The following PRLR variants were observed in gnomAD, a reference collection of about 807,000 sequenced individuals.
PRLR encodes hPRL receptor.
PRLR carries 13 observed loss-of-function variants against 40.2 expected under a neutral mutation model. That is an observed-to-expected ratio of 0.32 (90% CI 0.21 to 0.51). The LOEUF is 0.51. Ranked by LOEUF, PRLR falls within the 20% of genes least tolerant of loss-of-function variation. The pLI is 0.97. For synonymous variants in PRLR, 269 were observed against 278.7 expected, an observed-to-expected ratio of 0.97 and a Z score of 0.35; for missense variants, 656 against 747.3, an observed-to-expected ratio of 0.88 and a Z score of 1.42.
At chr5:35,156,307 T>C (rs1371080583) in intron 1 of PRLR, among the ~76,000 whole-genome samples, 2 of 152,160 alleles carry the variant, frequency 1.3e-5, no homozygotes, top group Non-Finnish European at 2.9e-5. Context: ...GTCTAAGTGA[T>C]ATTTGCCTGG....
chr5:35,183,650 T>C (rs7700286), intron 1 of PRLR, among the ~76,000 whole-genome samples: 12,944 of 152,150 alleles, frequency 0.085, 588 homozygotes, highest in East Asian at 0.13. Flanking sequence ...AGGCTCCAGG[T>C]TTTTTTCCCT....
chr5:35,100,836 C>T (rs1771832080), intron 2 of PRLR, among the ~76,000 whole-genome samples: 1 of 152,152 alleles, frequency 6.6e-6, no homozygotes. Flanking sequence ...ACTGTGAGGT[C>T]CTAAAAGCTC....
At position 35,064,311 on chromosome 5, in the gene PRLR, G is replaced by A. The variant is rs914779339; in HGVS notation, c.*778C>T. 1.3e-5 allele frequency: 2 copies of A among 152,054 alleles called. No individual in the cohort carries two copies. Among genetic ancestry groups the A allele is most frequent in the African/African-American group, 4.8e-5 (2 of 41,512 alleles). 9.4% of individuals were successfully genotyped at this position (152,054 alleles called of 1,614,324 possible). A position where few individuals can be genotyped will look rare whatever the true frequency, so the allele number is the denominator to read the frequency against. ...CTTTAGGGAATTTTTTTTTAACTAAGGAAAGACTAAGGTGTATAATAAATT... is the reference window on the plus strand; with the variant it reads ...CTTTAGGGAATTTTTTTTTAACTAAAGAAAGACTAAGGTGTATAATAAATT... On this transcript the variant is annotated 3_prime_UTR_variant, in exon 10 of 10. Transcript: ENST00000618457.
intron 1 of PRLR, among the ~76,000 whole-genome samples, chr5:35,224,044 A>C (rs1776488502): frequency 6.6e-6 from 1 of 152,214 alleles, no homozygotes; most frequent in African/African-American, 2.4e-5. Flanking sequence ...CCTTTGCCAA[A>C]TACAAGAGGC....
At chr5:35,188,555 C>A (rs118063264) in intron 1 of PRLR, among the ~76,000 whole-genome samples, 1 of 152,154 alleles carries the variant, frequency 6.6e-6, no homozygotes, top group African/African-American at 2.4e-5. Context: ...CTGGTTGGGG[C>A]GACTTGCATG....
intron 1 of PRLR, among the ~76,000 whole-genome samples, chr5:35,167,440 G>A (rs1312059542): frequency 6.6e-6 from 1 of 152,058 alleles, no homozygotes; most frequent in African/African-American, 2.4e-5. Context: ...ATCACAGAAA[G>A]TGAGCCCAGA....
In PRLR at chr5:35,225,237, G is replaced by A. The variant is rs369817360; in HGVS notation, c.-106+5031C>T. On this transcript the variant is annotated intron_variant, in intron 1 of 9. Coordinates refer to ENST00000618457, the MANE Select transcript of PRLR (RefSeq NM_000949.7). ...CCTCTTGAGATTTACCTGAGTGAGA[G>A]GATTGGTCTTGGTGATGAATATAAT... Among the ~76,000 whole-genome samples, 201 of 152,260 alleles carry A rather than the reference G, an allele frequency of 1.3e-3. 6 individuals carry two copies. The South Asian group carries it at 0.04, about 30-fold the overall frequency.
At chr5:35,189,801 C>G (rs1579782775) in intron 1 of PRLR, among the ~76,000 whole-genome samples, 4 of 152,240 alleles carry the variant, frequency 2.6e-5, no homozygotes, top group African/African-American at 9.6e-5. Flanking sequence ...GAAGATTCCT[C>G]TCAGTGTGAA....
At chr5:35,101,776 C>A (rs1029442950) in intron 2 of PRLR, among the ~76,000 whole-genome samples, 1 of 146,982 alleles carries the variant, frequency 6.8e-6, no homozygotes, top group African/African-American at 2.5e-5. Context: ...ATAAATATAC[C>A]TTATAAAACA....
chr5:35,122,318 T>A (rs1463599144), intron 1 of PRLR, among the ~76,000 whole-genome samples: 1 of 152,080 alleles, frequency 6.6e-6, no homozygotes, highest in Non-Finnish European at 1.5e-5. Context: ...TGTGCCATGG[T>A]GGTTTGCGCA....
chr5:35,134,869 C>A (rs1773803874), intron 1 of PRLR, among the ~76,000 whole-genome samples: 1 of 152,174 alleles, frequency 6.6e-6, no homozygotes, highest in Non-Finnish European at 1.5e-5. Context: ...GCGTGGGGTG[C>A]CGCCTGAGGG....
At position 35,076,781 on chromosome 5, in the gene PRLR, AG is replaced by A. The variant is rs200892321; in HGVS notation, c.374-4038del. ...AGTTAAAATAAAGGAAAAAACATTA[AG>A]GGCAGCCAGAGAGAAAGGTCAGGCT... On this transcript the variant is annotated intron_variant, in intron 5 of 9. Transcript: ENST00000618457. Among the ~76,000 whole-genome samples, 156 of 152,342 alleles carry A rather than the reference AG, an allele frequency of 1.0e-3. 5 individuals carry two copies. In the East Asian group the frequency reaches 0.029, roughly 29 times the overall value.
chr5:35,207,034 T>G (rs1345648870), intron 1 of PRLR, among the ~76,000 whole-genome samples: 1 of 152,108 alleles, frequency 6.6e-6, no homozygotes, highest in Non-Finnish European at 1.5e-5. Flanking sequence ...AGAATTTTCA[T>G]TTGTCGCATT....
intron 1 of PRLR, among the ~76,000 whole-genome samples, chr5:35,222,955 C>G (rs139419835): frequency 3.5e-4 from 54 of 152,270 alleles, no homozygotes; most frequent in African/African-American, 1.2e-3. Flanking sequence ...TTACAAAAAG[C>G]CTGGTAGAAA....
intron 1 of PRLR, among the ~76,000 whole-genome samples, chr5:35,151,852 T>C (rs1910013): frequency 1.3e-5 from 2 of 152,196 alleles, no homozygotes; most frequent in African/African-American, 2.4e-5. Context: ...AAGACCACTG[T>C]GTTGTGTCTT....
chr5:35,075,218 G>A lies in PRLR; in HGVS notation c.374-2474C>T, dbSNP rs7714369. 3.9e-3 allele frequency among the ~76,000 whole-genome samples: 601 copies of A among 152,226 alleles called. 3 individuals carry two copies. Among genetic ancestry groups the A allele is most frequent in the African/African-American group, 0.012 (487 of 41,514 alleles). On this transcript the variant is annotated intron_variant, in intron 5 of 9. Transcript: ENST00000618457. ...GGACAGTGGGTGCAGTCCATGGAGC[G>A]TGAGGCGAAGCAGGGCAGGTCATTG...
At chr5:35,072,188 T>C (rs1769789736) in intron 6 of PRLR, among the ~76,000 whole-genome samples, 1 of 152,154 alleles carries the variant, frequency 6.6e-6, no homozygotes, top group African/African-American at 2.4e-5. Context: ...TGTGATCCAC[T>C]GCACCCAGCC....
intron 1 of PRLR, among the ~76,000 whole-genome samples, chr5:35,208,852 G>A (rs1055174184): frequency 6.6e-6 from 1 of 151,988 alleles, no homozygotes; most frequent in Non-Finnish European, 1.5e-5. Flanking sequence ...AATAAAAGAA[G>A]TATGAAGGGT....
intron 2 of PRLR, among the ~76,000 whole-genome samples, chr5:35,100,183 CAAAA>C (rs35912961): frequency 1.5e-5 from 1 of 65,046 alleles, no homozygotes; most frequent in Admixed American, 1.8e-4. Context: ...GACTCTGTCT[CAAAA>C]AAAAAAAAAA....
Sources: gnomAD v4.1 joint callset for allele counts (sites outside exome capture counted in the v4.1 genomes callset) on GRCh38, gnomAD v4.1.1 for gene constraint, MANE v1.5 for transcripts, NCBI Gene and HGNC (gene_info 2026-07-23, HGNC 2026-07-21) for gene names.